The following SNX4 variants were observed in gnomAD, a reference collection of about 807,000 sequenced individuals.
SNX4 encodes the protein sorting nexin 4.
Under a neutral mutation model 70.8 loss-of-function variants are expected in SNX4, and 49 were observed. That is an observed-to-expected ratio of 0.69 (90% confidence interval 0.55 to 0.88). The LOEUF is 0.88. Among genes scored for constraint, SNX4 ranks in the 40% least tolerant of loss-of-function variants. SNX4 has a pLI of 0.00. For missense variants in SNX4, 528 were observed against 544.8 expected, an observed-to-expected ratio of 0.97 and a Z score of 0.31; for synonymous variants, 206 against 183.8, an observed-to-expected ratio of 1.12 and a Z score of -0.98.
At chr3:125,456,144 A>ATT (rs1933709628) in intron 11 of SNX4, among the ~76,000 whole-genome samples, 1 of 152,214 alleles carries the variant, frequency 6.6e-6, no homozygotes, top group South Asian at 2.1e-4. Flanking sequence ...TAGAAAGCTG[A>ATT]TTATAAAAAT....
chr3:125,468,140 G>A (rs1426392971), intron 9 of SNX4, among the ~76,000 whole-genome samples: 1 of 152,086 alleles, frequency 6.6e-6, no homozygotes, highest in East Asian at 1.9e-4. Flanking sequence ...ATTAACACAG[G>A]AACAAAAAAC....
At chr3:125,513,579 A>C (rs1294401443) in intron 1 of SNX4, among the ~76,000 whole-genome samples, 3 of 152,214 alleles carry the variant, frequency 2.0e-5, no homozygotes, top group Non-Finnish European at 2.9e-5. Context: ...ACAAACACTG[A>C]AAAAAATTAA....
intron 6 of SNX4, among the ~76,000 whole-genome samples, chr3:125,482,757 T>C (rs911507613): frequency 8.5e-5 from 13 of 152,244 alleles, no homozygotes; most frequent in Non-Finnish European, 1.0e-4. Flanking sequence ...AAAGAGGCAG[T>C]GGTGAAGTTG....
chr3:125,495,619 A>G (rs1580001141), intron 5 of SNX4, among the ~76,000 whole-genome samples: 4 of 152,258 alleles, frequency 2.6e-5, no homozygotes, highest in Admixed American at 2.0e-4. Flanking sequence ...GCACCTACAC[A>G]TAAGATTCAA....
intron 5 of SNX4, among the ~76,000 whole-genome samples, chr3:125,494,495 T>C (rs2107556864): frequency 6.6e-6 from 1 of 152,316 alleles, no homozygotes; most frequent in African/African-American, 2.4e-5. Context: ...GCTTAGCACA[T>C]AGTAAGCATA....
intron 2 of SNX4, among the ~76,000 whole-genome samples, chr3:125,501,136 A>G (rs1381682012): frequency 6.6e-6 from 1 of 152,202 alleles, no homozygotes; most frequent in Non-Finnish European, 1.5e-5. Context: ...CGGTTGATGA[A>G]GGTCAGTTAA....
At chr3:125,514,921 C>T (rs1015266297) in intron 1 of SNX4, among the ~76,000 whole-genome samples, 1 of 152,158 alleles carries the variant, frequency 6.6e-6, no homozygotes, top group Non-Finnish European at 1.5e-5. Context: ...GCCTCAGCCT[C>T]CTAAAGTCCT....
At chr3:125,471,493 T>C (rs1269596847) in intron 8 of SNX4, among the ~76,000 whole-genome samples, 3 of 152,082 alleles carry the variant, frequency 2.0e-5, no homozygotes, top group Admixed American at 1.3e-4. Context: ...CCTTTGCACA[T>C]AGCTTTTTGA....
At chr3:125,515,356 AATAT>A (rs3030891) in intron 1 of SNX4, among the ~76,000 whole-genome samples, 3 of 143,488 alleles carry the variant, frequency 2.1e-5, no homozygotes, top group Admixed American at 6.9e-5. Context: ...TGTCTCAAAA[AATAT>A]ATATATATAT....
In SNX4 at chr3:125,457,346, C is replaced by T. The variant is rs752087859; in HGVS notation, c.964G>A (p.Glu322Lys). 6.2e-7 allele frequency: 1 copy of T among 1,613,780 alleles called. No homozygotes were observed. Among genetic ancestry groups the T allele is most frequent in the Admixed American group, 1.7e-5 (1 of 60,016 alleles). The part of the protein sequence containing the change: ...EALRAVCRKH[E>K]LMQYDLEMAA... ...ATCTCCAAGTCATACTGCATAAGTT[C>T]ATGTTTCCTGCACACAGCCCTACAG... is the stretch of plus-strand genomic sequence containing the variant. The change falls in exon 11 of 14, where the codon GAA (glutamate) becomes AAA (lysine). Residue 322 changes from glutamate (E) to lysine (K), a missense_variant. Coordinates refer to ENST00000251775, the MANE Select transcript of SNX4 (RefSeq NM_003794.4).
At chr3:125,463,991 T>G (rs1470980668) in intron 9 of SNX4, among the ~76,000 whole-genome samples, 1 of 152,160 alleles carries the variant, frequency 6.6e-6, no homozygotes, top group Non-Finnish European at 1.5e-5. Flanking sequence ...GTGGATTACT[T>G]GAGCCCAGGA....
At chr3:125,519,943 GGCCCGGCCCAGCCCA>G (rs1347232280) in intron 1 of SNX4, 74 bp downstream of exon 1, 61 of 1,011,076 alleles carry the variant, frequency 6.0e-5, no homozygotes, top group Middle Eastern at 3.0e-4. Context: ...CCACTGGCCC[GGCCCGGCCCAGCCCA>G]GCCCAGCCCA....
At chr3:125,467,352 A>AC (rs1934053647) in intron 9 of SNX4, among the ~76,000 whole-genome samples, 1 of 151,970 alleles carries the variant, frequency 6.6e-6, no homozygotes, top group Admixed American at 6.6e-5. Flanking sequence ...GCGCCACGGC[A>AC]CTCCAGCCTG....
At position 125,498,179 on chromosome 3, in the gene SNX4, G is replaced by T. The variant is rs750692715; in HGVS notation, c.279C>A (p.Thr93=). The part of the protein sequence containing the change: ...YLIETRSVEH[T]DGQSVLTDSL... ...AGTCTGTTAGGACACTCTGACCATCGGTATGTTCAACTGACCTGAAAAGGA... is the reference window on the plus strand; with the variant it reads ...AGTCTGTTAGGACACTCTGACCATCTGTATGTTCAACTGACCTGAAAAGGA... The change falls in exon 3 of 14, where the codon ACC becomes ACA. Residue 93 remains threonine (T), a synonymous_variant. Coordinates refer to ENST00000251775, the MANE Select transcript of SNX4 (RefSeq NM_003794.4). The T allele has an allele frequency of 6.2e-7, 1 of 1,613,554 alleles. No homozygotes were observed. The highest frequency in any genetic ancestry group is 8.5e-7 in the Non-Finnish European group (1 of 1,179,846).
intron 5 of SNX4, among the ~76,000 whole-genome samples, chr3:125,490,331 G>C (rs1304335873): frequency 6.6e-6 from 1 of 151,658 alleles, no homozygotes; most frequent in Middle Eastern, 3.2e-3. Context: ...TCAGGAGATC[G>C]AGACCACGGT....
At chr3:125,452,046 C>G (rs906967864) in intron 12 of SNX4, among the ~76,000 whole-genome samples, 1 of 152,126 alleles carries the variant, frequency 6.6e-6, no homozygotes, top group African/African-American at 2.4e-5. Flanking sequence ...GAAGTAAGTG[C>G]CTTCCAGGGG....
At chr3:125,493,158 A>C (rs1934699566) in intron 5 of SNX4, among the ~76,000 whole-genome samples, 1 of 152,174 alleles carries the variant, frequency 6.6e-6, no homozygotes, top group Non-Finnish European at 1.5e-5. Flanking sequence ...TATGTTACCC[A>C]GTCTGGTCTC....
At chr3:125,494,625 G>A (rs187086687) in intron 5 of SNX4, among the ~76,000 whole-genome samples, 3 of 151,934 alleles carry the variant, frequency 2.0e-5, no homozygotes, top group East Asian at 1.9e-4. Context: ...TTTCTTTATC[G>A]CCTTATAGCA....
intron 1 of SNX4, among the ~76,000 whole-genome samples, chr3:125,518,880 G>GCGC (rs1412525711): frequency 6.6e-6 from 1 of 151,956 alleles, no homozygotes; most frequent in Non-Finnish European, 1.5e-5. Context: ...GGGAGTGGTG[G>GCGC]CGCCCATCTG....
Sources: allele counts gnomAD v4.1 joint callset (sites outside exome capture counted in the v4.1 genomes callset), GRCh38; gene constraint gnomAD v4.1.1; transcripts MANE v1.5; gene names NCBI Gene and HGNC (gene_info 2026-07-23, HGNC 2026-07-21).